N4BP2: variants seen among roughly 807,000 people sequenced by gnomAD.
N4BP2 encodes NEDD4 binding protein 2.
Under a neutral mutation model 152.8 loss-of-function variants are expected in N4BP2, and 91 were observed. That is an observed-to-expected ratio of 0.60 (90% CI 0.50 to 0.71). The LOEUF (loss-of-function observed/expected upper bound fraction) is 0.71. N4BP2 is among the 30% of genes least tolerant of loss of function. The pLI is 0.00. For missense variants in N4BP2, 1,923 were observed against 2,059.1 expected (o/e 0.93, Z 1.28); for synonymous variants, 646 against 705.3 (o/e 0.92, Z 1.33).
intron 1 of N4BP2, among the ~76,000 whole-genome samples, chr4:40,060,192 T>G (rs1733547582): frequency 6.6e-6 from 1 of 152,054 alleles, no homozygotes; most frequent in East Asian, 1.9e-4. Context: ...GAAATTATTT[T>G]ATTAGAACTG....
chr4:40,071,757 A>T (rs181876721), intron 1 of N4BP2, among the ~76,000 whole-genome samples: 3 of 151,872 alleles, frequency 2.0e-5, no homozygotes, highest in Admixed American at 6.6e-5. Flanking sequence ...GTAGAGACGA[A>T]GTTTCGCCAT....
chr4:40,081,535 A>G (rs1413242808), intron 2 of N4BP2, among the ~76,000 whole-genome samples: 2 of 152,076 alleles, frequency 1.3e-5, no homozygotes, highest in Non-Finnish European at 2.9e-5. Context: ...AATCCCAGCT[A>G]CTAGGGAGGC....
intron 17 of N4BP2, among the ~76,000 whole-genome samples, 184 bp from the exon 18 acceptor site, chr4:40,154,008 G>T (rs1055753784): frequency 6.6e-5 from 10 of 152,110 alleles, no homozygotes; most frequent in Non-Finnish European, 1.2e-4. Context: ...GATTGTATTT[G>T]TTTTGACCGT....
intron 6 of N4BP2, among the ~76,000 whole-genome samples, chr4:40,112,956 G>A (rs573005849): frequency 6.6e-6 from 1 of 152,178 alleles, no homozygotes; most frequent in East Asian, 1.9e-4. Flanking sequence ...CACCAACCTC[G>A]GCCTCTCAAA....
intron 1 of N4BP2, among the ~76,000 whole-genome samples, chr4:40,067,070 T>C (rs911624905): frequency 3.4e-5 from 5 of 148,968 alleles, no homozygotes; most frequent in African/African-American, 1.2e-4. Flanking sequence ...TTTTTTTTTT[T>C]TTTTTGAGAC....
the N4BP2 span, among the ~76,000 whole-genome samples, chr4:40,183,025 A>G: frequency 1.3e-5 from 2 of 152,184 alleles, no homozygotes; most frequent in Non-Finnish European, 1.5e-5. Context: ...CAACATTTAG[A>G]AAATAGAGGA....
intron 2 of N4BP2, among the ~76,000 whole-genome samples, chr4:40,088,719 C>T (rs1714233963): frequency 2.6e-5 from 4 of 152,072 alleles, no homozygotes; most frequent in African/African-American, 7.2e-5. Flanking sequence ...AGGCCGGTCT[C>T]GAATTCCTGA....
chr4:40,146,990 T>C (rs1011097787), intron 16 of N4BP2, among the ~76,000 whole-genome samples: 1 of 148,442 alleles, frequency 6.7e-6, no homozygotes, highest in African/African-American at 2.5e-5. Context: ...AGGACAATAG[T>C]GGAGGGAAGG....
At chr4:40,131,562 A>G (rs965605563) in intron 12 of N4BP2, among the ~76,000 whole-genome samples, 16 of 150,830 alleles carry the variant, frequency 1.1e-4, no homozygotes, top group African/African-American at 3.9e-4. Context: ...ACATGTATAC[A>G]TGTGATTGTG....
intron 2 of N4BP2, among the ~76,000 whole-genome samples, chr4:40,081,423 A>G (rs1180308618): frequency 6.6e-6 from 1 of 152,170 alleles, no homozygotes; most frequent in South Asian, 2.1e-4. Context: ...AGGTGGGCGG[A>G]TTACCTGAGG....
At chr4:40,179,460 C>A in the N4BP2 span, among the ~76,000 whole-genome samples, 4 of 152,198 alleles carry the variant, frequency 2.6e-5, no homozygotes, top group Non-Finnish European at 4.4e-5. Flanking sequence ...TTATTGAAAT[C>A]TTCTGTGTTG....
intron 7 of N4BP2, among the ~76,000 whole-genome samples, chr4:40,115,559 T>C (rs1717264887): frequency 6.6e-6 from 1 of 152,206 alleles, no homozygotes; most frequent in Admixed American, 6.5e-5. Context: ...TATATAATAC[T>C]TTATTTTTGT....
chr4:40,121,040 C>T lies in N4BP2; in HGVS notation c.2929C>T (p.Leu977Phe). The stretch of plus-strand genomic sequence containing the variant: ...TCATGGGCAACACACATCGTTGCCT[C>T]TTACTTTTACCAATAGTGCACCAAC... ...KSHGQHTSLP[L>F]TFTNSAPTVS... is the part of the protein sequence containing the mutation. Residue 977 changes from leucine to phenylalanine, a missense_variant, in exon 9 of 18, where the codon CTT (leucine) becomes TTT (phenylalanine). Transcript: ENST00000261435. 6.2e-7 allele frequency: 1 copy of T among 1,614,054 alleles called. No individual in the cohort carries two copies. The highest frequency in any genetic ancestry group is 8.5e-7 in the Non-Finnish European group (1 of 1,180,006).
At position 40,102,633 on chromosome 4, in the gene N4BP2, A is replaced by G; in HGVS notation, c.788A>G (p.Asn263Ser). 1.2e-6 allele frequency: 2 copies of G among 1,614,218 alleles called. No homozygotes were observed. Among genetic ancestry groups the G allele is most frequent in the South Asian group, 2.2e-5 (2 of 91,088 alleles). ...SDSIAGCSSL[N>S]QKQKELLESE... ...TCCATCGCAGGTTGTAGCAGTCTCA[A>G]TCAAAAACAGAAAGAACTTTTAGAA... The change falls in exon 4 of 18, where the codon AAT (asparagine) becomes AGT (serine). Residue 263 changes from asparagine (N) to serine (S), a missense_variant. Coordinates refer to ENST00000261435, the MANE Select transcript of N4BP2 (RefSeq NM_018177.6).
the N4BP2 span, among the ~76,000 whole-genome samples, chr4:40,170,023 A>G: frequency 6.6e-6 from 1 of 151,436 alleles, no homozygotes; most frequent in Non-Finnish European, 1.5e-5. Flanking sequence ...AATTAAGAAA[A>G]GACTCATATT....
the N4BP2 span, chr4:40,167,107 A>T: frequency 6.6e-6 from 1 of 152,224 alleles, no homozygotes; most frequent in Non-Finnish European, 1.5e-5. Flanking sequence ...TTATAATCAG[A>T]TAATTGACCT....
rs1721431340 is a variant in N4BP2 at position 40,154,370 on chromosome 4, T to C, written c.*133T>C. 1.8e-6 allele frequency: 1 copy of C among 550,922 alleles called. No individual in the cohort carries two copies. The highest frequency in any genetic ancestry group is 3.0e-6 in the Non-Finnish European group (1 of 331,730). The allele number at this position is 550,922 out of a possible 1,614,324, so 34.1% of individuals were successfully genotyped here. ...ATTCAATTATGAAACAAAAAAATTA[T>C]GATGTTTTTCAAAATGCAAGTGAGG... On this transcript the variant is annotated 3_prime_UTR_variant, in exon 18 of 18. Coordinates refer to ENST00000261435, the MANE Select transcript of N4BP2 (RefSeq NM_018177.6).
intron 14 of N4BP2, among the ~76,000 whole-genome samples, chr4:40,141,389 C>T (rs6834469): frequency 0.33 from 46,678 of 141,134 alleles, 7,485 homozygotes; most frequent in South Asian, 0.49. Context: ...CGGGCAGAGA[C>T]GCTCCTCACC....
At chr4:40,174,815 CTG>C in the N4BP2 span, among the ~76,000 whole-genome samples, 1 of 151,206 alleles carries the variant, frequency 6.6e-6, no homozygotes, top group Non-Finnish European at 1.5e-5. Context: ...ACAAACAAAA[CTG>C]TGCTTAGTGT....
Sources: allele counts gnomAD v4.1 joint callset (sites outside exome capture counted in the v4.1 genomes callset), GRCh38; gene constraint gnomAD v4.1.1; transcripts MANE v1.5; gene names NCBI Gene and HGNC (gene_info 2026-07-23, HGNC 2026-07-21).